Variants in RBM47 observed in about 807,000 individuals in gnomAD.
RBM47 encodes RNA-binding protein 47.
In RBM47, 21 loss-of-function variants were observed where a neutral mutation model predicts 47.1. The observed-to-expected ratio is 0.45, with a 90% CI of 0.32 to 0.64. The LOEUF (loss-of-function observed/expected upper bound fraction) is 0.64, where lower values mean the gene tolerates loss of function less well. RBM47 is among the 30% of genes least tolerant of loss of function. The probability of loss-of-function intolerance (pLI) is 0.05; values close to 1 mark genes in which losing one functional copy is unlikely to be tolerated. For missense variants in RBM47, 708 were observed against 870.9 expected (o/e 0.81, Z 2.35); for synonymous variants, 375 against 361.7 (o/e 1.04, Z -0.42).
chr4:40,583,388 G>GA lies in RBM47; in HGVS notation c.-239-38883dup, dbSNP rs56371832. Among the ~76,000 whole-genome samples, 837 of 91,018 alleles carry GA rather than the reference G, an allele frequency of 9.2e-3. 27 individuals carry two copies. Among genetic ancestry groups the GA allele is most frequent in the African/African-American group, 0.028 (677 of 24,452 alleles). The allele number at this position is 91,018 out of a possible 152,430, so 59.7% of individuals were successfully genotyped here. ...GAGATCACGCCACTACTCCATCTCAGAAAAAAAAAAAAAAAAAAAAAAAAA... is the reference window on the plus strand; with the variant it reads ...GAGATCACGCCACTACTCCATCTCAGAAAAAAAAAAAAAAAAAAAAAAAAAA... On this transcript the variant is annotated intron_variant, in intron 1 of 6. Transcript: ENST00000295971.
chr4:40,430,207 AACAAAC>A lies in RBM47; in HGVS notation c.1542+2438_1542+2443del, dbSNP rs1385002354. The stretch of plus-strand genomic sequence containing the variant: ...GAGACACCGTCGCAAAAAACAAACA[AACAAAC>A]AAACAAACAAACAAACAAAAAAAGA... On this transcript the variant is annotated intron_variant, in intron 6 of 6. Transcript: ENST00000295971. 6.9e-5 allele frequency among the ~76,000 whole-genome samples: 10 copies of A among 144,712 alleles called. No individual in the cohort carries two copies. The East Asian group carries it at 2.2e-3, about 31-fold the overall frequency. The allele number at this position is 144,712 out of a possible 152,430, so 94.9% of individuals were successfully genotyped here. A position where few individuals can be genotyped will look rare whatever the true frequency, so the allele number is the denominator to read the frequency against.
At chr4:40,506,704 T>C (rs1350383216) in intron 2 of RBM47, among the ~76,000 whole-genome samples, 3 of 152,220 alleles carry the variant, frequency 2.0e-5, no homozygotes, top group African/African-American at 4.8e-5. Flanking sequence ...GGGACATTTG[T>C]ACCTACCTTG....
At chr4:40,616,077 G>C (rs1462387960) in intron 1 of RBM47, among the ~76,000 whole-genome samples, 1 of 152,088 alleles carries the variant, frequency 6.6e-6, no homozygotes, top group African/African-American at 2.4e-5. Context: ...TCTTGGCTGG[G>C]TGCGGTGGCT....
chr4:40,441,701 A>G (rs891963309), intron 3 of RBM47, among the ~76,000 whole-genome samples: 2 of 152,182 alleles, frequency 1.3e-5, no homozygotes, highest in African/African-American at 4.8e-5. Flanking sequence ...TGTGCTTTGA[A>G]ACTACTATTC....
chr4:40,436,774 TA>T (rs1048304998), intron 4 of RBM47, 127 bp from the exon 5 acceptor site: 4 of 863,120 alleles, frequency 4.6e-6, no homozygotes, highest in Non-Finnish European at 7.8e-6. Flanking sequence ...CTTTGCTCTT[TA>T]ATAGGCTGGT....
intron 2 of RBM47, among the ~76,000 whole-genome samples, chr4:40,542,065 T>C (rs139716728): frequency 1.4e-4 from 22 of 152,216 alleles, no homozygotes; most frequent in African/African-American, 4.8e-4. Context: ...ATTAAGAACA[T>C]AGATTTGGGG....
At chr4:40,437,167 T>TAAAATAC (rs781328732) in intron 4 of RBM47, among the ~76,000 whole-genome samples, 9,367 of 119,626 alleles carry the variant, frequency 0.078, 965 homozygotes, top group East Asian at 0.25. Flanking sequence ...CATATATATA[T>TAAAATAC]ATATAATACA....
intron 3 of RBM47, among the ~76,000 whole-genome samples, chr4:40,461,695 G>C (rs1304561504): frequency 1.3e-5 from 2 of 152,220 alleles, no homozygotes; most frequent in South Asian, 4.1e-4. Context: ...TTGGAAGGCT[G>C]AGATGGGCGG....
chr4:40,460,466 T>A (rs1716944955), intron 3 of RBM47, among the ~76,000 whole-genome samples: 1 of 152,204 alleles, frequency 6.6e-6, no homozygotes, highest in Non-Finnish European at 1.5e-5. Context: ...ATTAACTGTG[T>A]GACTTCAGGT....
chr4:40,449,616 G>A (rs1715091665), intron 3 of RBM47, among the ~76,000 whole-genome samples: 1 of 152,166 alleles, frequency 6.6e-6, no homozygotes, highest in African/African-American at 2.4e-5. Flanking sequence ...CGAAAGGGGT[G>A]GAGTGGGGAG....
intron 1 of RBM47, among the ~76,000 whole-genome samples, chr4:40,592,965 ATATATATATATATATTTTTTTTTTTTTT>A (rs1189563129): frequency 1.9e-4 from 3 of 15,800 alleles, no homozygotes; most frequent in East Asian, 1.3e-3. Flanking sequence ...ATATATATAT[ATATATATATATATATTTTTTTTTTTTTT>A]TTTTTTTTTT....
chr4:40,578,131 C>A (rs1373182626), intron 1 of RBM47, among the ~76,000 whole-genome samples: 1 of 152,166 alleles, frequency 6.6e-6, no homozygotes, highest in African/African-American at 2.4e-5. Flanking sequence ...GTCTGACCTT[C>A]TCAGTAATCA....
At chr4:40,562,038 C>A (rs1177773533) in intron 1 of RBM47, among the ~76,000 whole-genome samples, 1 of 152,106 alleles carries the variant, frequency 6.6e-6, no homozygotes, top group Non-Finnish European at 1.5e-5. Flanking sequence ...TTTTAAAAAG[C>A]TATTATTAAA....
intron 1 of RBM47, among the ~76,000 whole-genome samples, chr4:40,615,073 G>A (rs923702801): frequency 2.6e-5 from 4 of 151,814 alleles, no homozygotes; most frequent in Non-Finnish European, 4.4e-5. Flanking sequence ...CTGCAGTGAG[G>A]TATGATCACA....
chr4:40,492,775 CTGTGTGTG>C, intron 2 of RBM47, among the ~76,000 whole-genome samples: 1 of 150,546 alleles, frequency 6.6e-6, no homozygotes, highest in South Asian at 2.1e-4. Context: ...CCATCATGAC[CTGTGTGTG>C]TGTGTGTGTG....
intron 1 of RBM47, among the ~76,000 whole-genome samples, chr4:40,583,686 G>A (rs566358749): frequency 1.4e-3 from 215 of 151,114 alleles, no homozygotes; most frequent in African/African-American, 5.0e-3. Flanking sequence ...GTGAAACCCC[G>A]TCTCTACTAA....
At chr4:40,523,998 T>C (rs1560444034) in intron 2 of RBM47, among the ~76,000 whole-genome samples, 1 of 152,164 alleles carries the variant, frequency 6.6e-6, no homozygotes, top group Non-Finnish European at 1.5e-5. Context: ...CCATACAATG[T>C]TTGGGAAATA....
At chr4:40,585,649 A>G (rs936903501) in intron 1 of RBM47, among the ~76,000 whole-genome samples, 11 of 152,318 alleles carry the variant, frequency 7.2e-5, no homozygotes, top group South Asian at 4.1e-4. Context: ...ATACTTCACA[A>G]CAAAACCAAA....
At chr4:40,490,687 G>A (rs1486979537) in intron 2 of RBM47, among the ~76,000 whole-genome samples, 1 of 151,828 alleles carries the variant, frequency 6.6e-6, no homozygotes, top group Non-Finnish European at 1.5e-5. Flanking sequence ...GGAGGCGGAG[G>A]TTGCAGTGAG....
Sources: allele counts gnomAD v4.1 joint callset (sites outside exome capture counted in the v4.1 genomes callset), GRCh38; gene constraint gnomAD v4.1.1; transcripts MANE v1.5; gene names NCBI Gene and HGNC (gene_info 2026-07-23, HGNC 2026-07-21).